Variants in FAM228B observed in about 807,000 individuals in gnomAD.
The protein encoded by FAM228B is family with sequence similarity 228 member B, also known as protein FAM228B.
In FAM228B, 38 loss-of-function variants were observed where a neutral mutation model predicts 42.6. That is an observed-to-expected ratio of 0.89 (90% CI 0.69 to 1.17). FAM228B has a LOEUF of 1.17. Among genes scored for constraint, FAM228B ranks in the 50% most tolerant of loss-of-function variants. FAM228B has a pLI of 0.00. For missense variants in FAM228B, 344 were observed against 367.3 expected, an observed-to-expected ratio of 0.94 and a Z score of 0.52; for synonymous variants, 109 against 122.3, an observed-to-expected ratio of 0.89 and a Z score of 0.72.
intron 3 of FAM228B, among the ~76,000 whole-genome samples, chr2:24,097,931 G>A (rs1453404821): frequency 3.9e-5 from 6 of 152,128 alleles, no homozygotes; most frequent in African/African-American, 9.7e-5. Context: ...ACAACAAACT[G>A]TCTCTCAGAC....
chr2:24,096,420 G>T (rs758919179), intron 3 of FAM228B: 1 of 152,202 alleles, frequency 6.6e-6, no homozygotes, highest in Non-Finnish European at 1.5e-5. Context: ...GGAATAAACA[G>T]TGTAGAGAAT....
At chr2:24,117,425 G>A (rs1178831350) in intron 3 of FAM228B, among the ~76,000 whole-genome samples, 1 of 150,916 alleles carries the variant, frequency 6.6e-6, no homozygotes, top group Non-Finnish European at 1.5e-5. Flanking sequence ...ATTTTTAAAT[G>A]GTCATAGTTC....
upstream of FAM228B, among the ~76,000 whole-genome samples, chr2:24,118,988 C>A (rs771148764): frequency 6.6e-6 from 1 of 152,148 alleles, no homozygotes; most frequent in African/African-American, 2.4e-5. Context: ...TCAACTCTCA[C>A]CGATATAATA....
chr2:24,090,915 T>C (rs7568272), intron 2 of FAM228B, among the ~76,000 whole-genome samples: 18,117 of 152,164 alleles, frequency 0.12, 1,266 homozygotes, highest in South Asian at 0.18. Flanking sequence ...GCCTCCTCAG[T>C]AGCTAGGACT....
In FAM228B at chr2:24,077,501, CCTGT is replaced by C; in HGVS notation, c.-290+535_-290+538del. 6.2e-6 allele frequency: 9 copies of C among 1,463,264 alleles called. No individual in the cohort carries two copies. The highest frequency in any genetic ancestry group is 2.5e-5 in the Admixed American group (1 of 39,606). 90.6% of individuals were successfully genotyped at this position (1,463,264 alleles called of 1,614,324 possible). A position where few individuals can be genotyped will look rare whatever the true frequency, so the allele number is the denominator to read the frequency against. ...CTGGAGGAAGCACCGGGTTTCTTGGCCTGTCTATTGTGAATCTTCTCCAGGTTTG... is the reference window on the plus strand; with the variant it reads ...CTGGAGGAAGCACCGGGTTTCTTGGCCTATTGTGAATCTTCTCCAGGTTTG... On this transcript the variant is annotated intron_variant, in intron 1 of 10. Coordinates refer to the FAM228B transcript ENST00000613899. This position sits in a 1 kb window ranked among gnomAD's most constrained non-coding sequence, Gnocchi z 5.5.
At position 24,135,099 on chromosome 2, in the gene FAM228B, G is replaced by A; in HGVS notation, c.100-20G>A. 2 of 1,428,648 alleles carry A rather than the reference G, an allele frequency of 1.4e-6. No individual in the cohort carries two copies. Among genetic ancestry groups the A allele is most frequent in the South Asian group, 1.3e-5 (1 of 75,100 alleles). 88.5% of individuals were successfully genotyped at this position (1,428,648 alleles called of 1,614,324 possible). On this transcript the variant is annotated intron_variant, in intron 2 of 10. Coordinates refer to ENST00000615575, the MANE Select transcript of FAM228B (RefSeq NM_001145710.2). ...AGTTTTTAAAGATTTTCTTTTCAAAGTTTAATTCTGTCCTTTCAGGTTTTA... is the reference window on the plus strand; with the variant it reads ...AGTTTTTAAAGATTTTCTTTTCAAAATTTAATTCTGTCCTTTCAGGTTTTA...
intron 2 of FAM228B, among the ~76,000 whole-genome samples, chr2:24,125,907 A>G (rs1019969723): frequency 2.6e-5 from 4 of 152,194 alleles, no homozygotes; most frequent in Admixed American, 6.5e-5. Context: ...AAAATTGTAT[A>G]CAAATGGAAT....
intron 2 of FAM228B, among the ~76,000 whole-genome samples, chr2:24,132,682 C>T (rs1352184336): frequency 1.3e-5 from 2 of 151,594 alleles, no homozygotes; most frequent in African/African-American, 4.8e-5. Context: ...GTGTGGATCA[C>T]ATTTTTCTGT....
intron 3 of FAM228B, among the ~76,000 whole-genome samples, chr2:24,101,919 T>C (rs1665617387): frequency 6.6e-6 from 1 of 152,180 alleles, no homozygotes; most frequent in Non-Finnish European, 1.5e-5. Flanking sequence ...CTTGACTTTG[T>C]GATCTGCCCG....
At chr2:24,102,486 C>T (rs1412556363) in intron 3 of FAM228B, among the ~76,000 whole-genome samples, 4 of 152,174 alleles carry the variant, frequency 2.6e-5, no homozygotes, top group Non-Finnish European at 5.9e-5. Flanking sequence ...GCCTGTAATT[C>T]CAGCACTTTG....
intron 9 of FAM228B, 41 bp from the exon 10 acceptor site, chr2:24,167,586 C>G (rs1336778282): frequency 4.5e-6 from 7 of 1,550,846 alleles, no homozygotes; most frequent in Non-Finnish European, 8.7e-7. Flanking sequence ...TATGGCCAGT[C>G]TCGTATAACA....
intron 9 of FAM228B, 23 bp from the exon 10 acceptor site, chr2:24,167,604 C>G: frequency 6.4e-7 from 1 of 1,551,282 alleles, no homozygotes. Context: ...ACATAATGAC[C>G]AAAGCTTCAA....
At chr2:24,079,297 G>A (rs1345687276) in intron 1 of FAM228B, 35 of 754,906 alleles carry the variant, frequency 4.6e-5, no homozygotes, top group Non-Finnish European at 4.4e-5. Context: ...CTCTGAAATC[G>A]GGTTCCCTCT....
At chr2:24,115,547 AAAT>A in intron 3 of FAM228B, 1 of 1,585,162 alleles carries the variant, frequency 6.3e-7, no homozygotes, top group Non-Finnish European at 8.6e-7. Context: ...TTTTCTTCTA[AAAT>A]AATAAAATTG....
At chr2:24,124,123 T>G (rs938363372) in intron 1 of FAM228B, 2 of 359,278 alleles carry the variant, frequency 5.6e-6, no homozygotes, top group African/African-American at 2.1e-5. Flanking sequence ...GACGGGGGAT[T>G]CTTTCAAAGA....
intron 2 of FAM228B, among the ~76,000 whole-genome samples, chr2:24,093,238 C>G (rs895267118): frequency 2.6e-5 from 4 of 152,164 alleles, no homozygotes; most frequent in Non-Finnish European, 5.9e-5. Flanking sequence ...CACCTATCAG[C>G]CTGTCATCTA....
rs1664962858 is a variant in FAM228B at position 24,080,758 on chromosome 2, G to T, written c.-289-118G>T. 6.2e-7 allele frequency: 1 copy of T among 1,602,132 alleles called. No homozygotes were observed. Among genetic ancestry groups the T allele is most frequent in the African/African-American group, 1.3e-5 (1 of 74,624 alleles). ...ACACAGCACTGGCAACTTTGAGACTGGTGGGGCTTTTATTTAATCATCTCT... is the reference window on the plus strand; with the variant it reads ...ACACAGCACTGGCAACTTTGAGACTTGTGGGGCTTTTATTTAATCATCTCT... On this transcript the variant is annotated intron_variant, in intron 1 of 10. Transcript: ENST00000613899. The surrounding 1 kb of genome is among the most constrained non-coding windows in gnomAD (Gnocchi z 4.7).
At chr2:24,097,463 A>G (rs1165175222) in intron 3 of FAM228B, 1 of 151,084 alleles carries the variant, frequency 6.6e-6, no homozygotes, top group Non-Finnish European at 1.5e-5. Context: ...AAAAAAAAAA[A>G]AAAAAAAAGC....
chr2:24,162,504 G>A (rs960744753), intron 8 of FAM228B, among the ~76,000 whole-genome samples: 2 of 152,176 alleles, frequency 1.3e-5, no homozygotes, highest in Non-Finnish European at 2.9e-5. Flanking sequence ...AACTTTGGAA[G>A]GCAGCTTGGC....
Sources: gnomAD v4.1 joint callset for allele counts (sites outside exome capture counted in the v4.1 genomes callset) on GRCh38, gnomAD v4.1.1 for gene constraint, Gnocchi (gnomAD v3.1) non-coding constraint, MANE v1.5 for transcripts, NCBI Gene and HGNC (gene_info 2026-07-23, HGNC 2026-07-21) for gene names.